PYGB: variants seen among roughly 807,000 people sequenced by gnomAD.
PYGB encodes the protein glycogen phosphorylase, brain form.
A neutral mutation model predicts 94.3 loss-of-function variants in PYGB; 82 were observed. The ratio of observed to expected loss-of-function variants is 0.87; its 90% CI spans 0.73 to 1.04. The LOEUF (loss-of-function observed/expected upper bound fraction) is 1.04. Ranked by LOEUF, PYGB falls within the 50% of genes least tolerant of loss-of-function variation. The pLI, the probability that PYGB is intolerant of heterozygous loss-of-function variation, is 0.00. For missense variants in PYGB, 1,132 were observed against 1,158.2 expected (o/e 0.98, Z 0.33); for synonymous variants, 488 against 479.1 (o/e 1.02, Z -0.24).
chr20:25,253,848 T>G (rs1043106761), intron 1 of PYGB, among the ~76,000 whole-genome samples: 1 of 152,096 alleles, frequency 6.6e-6, no homozygotes, highest in Non-Finnish European at 1.5e-5. Flanking sequence ...AAGTTCATTT[T>G]TCTCCGAATC....
At chr20:25,281,722 G>A (rs1010348248) in intron 11 of PYGB, among the ~76,000 whole-genome samples, 6 of 152,224 alleles carry the variant, frequency 3.9e-5, no homozygotes, top group African/African-American at 1.4e-4. Flanking sequence ...AAGTCCTGCG[G>A]TCTCGGCTGT....
In PYGB at chr20:25,288,437, AC is replaced by A; in HGVS notation, c.1784del (p.Pro595ArgfsTer11). The A allele has an allele frequency of 6.2e-7, 1 of 1,613,448 alleles. No individual in the cohort carries two copies. Among genetic ancestry groups the A allele is most frequent in the Non-Finnish European group, 8.5e-7 (1 of 1,179,904 alleles). On this transcript the variant is annotated frameshift_variant, in exon 15 of 20. Transcript: ENST00000216962. LOFTEE classifies it high-confidence loss of function. The stretch of plus-strand genomic sequence containing the variant: ...GTGTGTCCTGCAGGAATCAAGAGAG[AC>A]CCGGCCAAGGCTTTTGTGCCCAGGA... ...VVTLYNRIKR[D>X]PAKAFVPRTV...
intron 3 of PYGB, 147 bp downstream of exon 3, chr20:25,269,354 C>T: frequency 1.7e-6 from 1 of 603,506 alleles, no homozygotes; most frequent in East Asian, 3.0e-5. Context: ...GAAATCTTGC[C>T]ACTAGTGGGG....
At chr20:25,290,357 C>A (rs2088454924) in intron 15 of PYGB, 124 bp from the exon 16 acceptor site, 2 of 1,291,740 alleles carry the variant, frequency 1.5e-6, no homozygotes, top group Non-Finnish European at 1.1e-6. Context: ...CCTCTACTGA[C>A]CGTCCCGACG....
intron 13 of PYGB, among the ~76,000 whole-genome samples, chr20:25,283,616 C>A (rs2088389523): frequency 6.6e-6 from 1 of 152,250 alleles, no homozygotes; most frequent in Admixed American, 6.5e-5. Flanking sequence ...ACCCTCTTTG[C>A]CCCTGGAGAG....
intron 5 of PYGB, among the ~76,000 whole-genome samples, chr20:25,275,094 G>A (rs1467084964): frequency 6.6e-6 from 1 of 152,214 alleles, no homozygotes; most frequent in African/African-American, 2.4e-5. Flanking sequence ...GGACCCCCAG[G>A]GTGGGCGAAA....
At chr20:25,284,836 G>A (rs2088403359) in intron 14 of PYGB, 1 of 152,238 alleles carries the variant, frequency 6.6e-6, no homozygotes, top group Non-Finnish European at 1.5e-5. Context: ...AAGATAGTAT[G>A]TGTTAAATTT....
intron 14 of PYGB, among the ~76,000 whole-genome samples, chr20:25,286,720 G>A (rs2088421278): frequency 6.6e-6 from 1 of 152,208 alleles, no homozygotes; most frequent in South Asian, 2.1e-4. Flanking sequence ...TTGTGAGGGT[G>A]CCCTTGTGGG....
chr20:25,263,917 C>T (rs2092918952), intron 2 of PYGB, among the ~76,000 whole-genome samples: 2 of 152,198 alleles, frequency 1.3e-5, no homozygotes, highest in Admixed American at 6.5e-5. Flanking sequence ...GAGAATCCTC[C>T]CTAACTCATT....
chr20:25,282,250 G>A lies in PYGB; in HGVS notation c.1518+103G>A. On this transcript the variant is annotated intron_variant, in intron 12 of 19. Transcript: ENST00000216962. ...GCGGTTGCTGAGTAGGCAGGAGTCT[G>A]TCCCTCACGTGTTGACCTGCAGGCT... The A allele has an allele frequency of 6.5e-6, 6 of 926,226 alleles. No individual in the cohort carries two copies. In the South Asian group the frequency reaches 9.9e-5, roughly 15 times the overall value. The allele number at this position is 926,226 out of a possible 1,614,324, so 57.4% of individuals were successfully genotyped here.
Position 25,248,270 on chromosome 20 carries a change from G to A in PYGB, c.92G>A (p.Ser31Asn). The stretch of plus-strand genomic sequence containing the variant: ...GGCGACGTGGCCGAGGTGCGGAAGA[G>A]CTTCAACCGGCACTTGCACTTCACG... ...GLGDVAEVRK[S>N]FNRHLHFTLV... The change falls in exon 1 of 20, where the codon AGC becomes AAC. Residue 31 changes from serine (S) to asparagine (N), a missense_variant. Ser to Asn is a conservative substitution (Grantham distance 46). Transcript: ENST00000216962. 1 of 1,601,490 alleles carries A rather than the reference G, an allele frequency of 6.2e-7. No homozygotes were observed. Among genetic ancestry groups the A allele is most frequent in the Non-Finnish European group, 8.5e-7 (1 of 1,174,616 alleles).
At chr20:25,249,386 G>A (rs1394552891) in intron 1 of PYGB, among the ~76,000 whole-genome samples, 1 of 152,138 alleles carries the variant, frequency 6.6e-6, no homozygotes, top group South Asian at 2.1e-4. Flanking sequence ...TGTTGTTGTC[G>A]TTTGCTTTTA....
At chr20:25,253,099 T>C (rs1217178898) in intron 1 of PYGB, among the ~76,000 whole-genome samples, 1 of 152,206 alleles carries the variant, frequency 6.6e-6, no homozygotes, top group Non-Finnish European at 1.5e-5. Context: ...GAAGAACAAA[T>C]AAGTATATCT....
Position 25,269,203 on chromosome 20 carries a change from G to A in PYGB, c.420G>A (p.Leu140=). ...AGLGNGGLGR[L]AACFLDSMAT... is the part of the protein sequence containing the mutation. ...TTGGGAATGGAGGCCTGGGGAGGCTGGCAGGTAAGTTGCCCCATCCAGGAG... is the reference window on the plus strand; with the variant it reads ...TTGGGAATGGAGGCCTGGGGAGGCTAGCAGGTAAGTTGCCCCATCCAGGAG... Residue 140 remains leucine, a synonymous_variant, in exon 3 of 20, where the codon CTG becomes CTA. Coordinates refer to ENST00000216962, the MANE Select transcript of PYGB (RefSeq NM_002862.4). 1 of 1,584,144 alleles carries A rather than the reference G, an allele frequency of 6.3e-7. No homozygotes were observed. The highest frequency in any genetic ancestry group is 8.7e-7 in the Non-Finnish European group (1 of 1,153,592).
At chr20:25,248,995 G>T (rs558719635) in intron 1 of PYGB, among the ~76,000 whole-genome samples, 1 of 152,354 alleles carries the variant, frequency 6.6e-6, no homozygotes, top group Admixed American at 6.5e-5. Flanking sequence ...CCTCGAAGAA[G>T]GCTCTGTCTT....
At chr20:25,276,828 C>G in intron 6 of PYGB, 71 bp downstream of exon 6, 1 of 1,385,578 alleles carries the variant, frequency 7.2e-7, no homozygotes, top group Non-Finnish European at 1.0e-6. Context: ...CGCCCACAGC[C>G]TTTACCGCGC....
chr20:25,280,622 A>G (rs1203334296), intron 10 of PYGB, among the ~76,000 whole-genome samples: 3 of 152,142 alleles, frequency 2.0e-5, no homozygotes, highest in Non-Finnish European at 4.4e-5. Flanking sequence ...TTGTAAATTA[A>G]ATTGCACGTC....
At position 25,295,873 on chromosome 20, in the gene PYGB, G is replaced by C. The variant is rs1046407044; in HGVS notation, c.2379+203G>C. On this transcript the variant is annotated intron_variant, in intron 19 of 19. Transcript: ENST00000216962. Reference sequence around the variant, plus strand: ...GTCACTCCCTCCGTTGAAAAAAACAGCTCCTAATGGCCAAGAAAGGAATGT... The same window carrying C: ...GTCACTCCCTCCGTTGAAAAAAACACCTCCTAATGGCCAAGAAAGGAATGT... Among the ~76,000 whole-genome samples, 3 of 152,346 alleles carry C rather than the reference G, an allele frequency of 2.0e-5. No homozygotes were observed. The East Asian group carries it at 5.8e-4, about 29-fold the overall frequency.
In PYGB at chr20:25,283,282, G is replaced by GCATGGC; in HGVS notation, c.1620+7_1620+12dup. On this transcript the variant is annotated splice_donor_region_variant and intron_variant, in intron 13 of 19. Transcript: ENST00000216962. ...GACGTGGCCAAGGTCAAACAGGTAG[G>GCATGGC]CATGGCCCTGGCCCCAGCCCCGACC... 1 of 1,611,422 alleles carries GCATGGC rather than the reference G, an allele frequency of 6.2e-7. No homozygotes were observed. The highest frequency in any genetic ancestry group is 8.5e-7 in the Non-Finnish European group (1 of 1,178,258).
Sources: gnomAD v4.1 joint callset for allele counts (sites outside exome capture counted in the v4.1 genomes callset) on GRCh38, gnomAD v4.1.1 for gene constraint, MANE v1.5 for transcripts, NCBI Gene and HGNC (gene_info 2026-07-23, HGNC 2026-07-21) for gene names.